LRGUK: variants seen among roughly 807,000 people sequenced by gnomAD.
LRGUK encodes the protein leucine rich repeats and guanylate kinase domain containing, also known as leucine-rich repeat and guanylate kinase domain-containing protein.
In LRGUK, 65 loss-of-function variants were observed where a neutral mutation model predicts 76.0. The observed-to-expected ratio is 0.85, with a 90% confidence interval of 0.70 to 1.05. LRGUK has a LOEUF of 1.05. LRGUK is among the 50% of genes least tolerant of loss of function. The pLI is 0.00. For missense variants in LRGUK, 758 were observed against 732.8 expected (o/e 1.03, Z -0.40); for synonymous variants, 268 against 265.6 (o/e 1.01, Z -0.09).
intron 1 of LRGUK, among the ~76,000 whole-genome samples, chr7:134,128,955 G>GT (rs777879835): frequency 1.3e-5 from 2 of 152,090 alleles, no homozygotes; most frequent in South Asian, 2.1e-4. Context: ...TTTTCTTTAG[G>GT]TTTTTTCTCC....
At chr7:134,233,632 C>T (rs1801951128) in intron 16 of LRGUK, among the ~76,000 whole-genome samples, 1 of 152,164 alleles carries the variant, frequency 6.6e-6, no homozygotes, top group South Asian at 2.1e-4. Flanking sequence ...CCAAGTATCA[C>T]ACAGCTTAGG....
chr7:134,229,375 A>AAATCT (rs568818931), intron 16 of LRGUK, among the ~76,000 whole-genome samples: 156 of 147,552 alleles, frequency 1.1e-3, no homozygotes, highest in Middle Eastern at 0.01. Flanking sequence ...AAAAAAAAAA[A>AAATCT]ATCTATCTAT....
downstream of LRGUK, among the ~76,000 whole-genome samples, chr7:134,269,456 A>C (rs1030991119): frequency 9.3e-5 from 14 of 149,966 alleles, no homozygotes; most frequent in African/African-American, 3.5e-4. Flanking sequence ...AAGCTCAAGC[A>C]ACCCTCCTGC....
chr7:134,192,641 C>G (rs1800305417), intron 12 of LRGUK, among the ~76,000 whole-genome samples: 1 of 152,208 alleles, frequency 6.6e-6, no homozygotes, highest in Non-Finnish European at 1.5e-5. Context: ...AAAGTGTATG[C>G]TAATGTAAAT....
intron 16 of LRGUK, among the ~76,000 whole-genome samples, chr7:134,229,410 C>T (rs1391536647): frequency 6.6e-6 from 1 of 151,468 alleles, no homozygotes; most frequent in Admixed American, 6.6e-5. Context: ...ATCTATCTAT[C>T]TATCTATGTT....
At chr7:134,224,927 T>C (rs931544322) in intron 16 of LRGUK, among the ~76,000 whole-genome samples, 1 of 151,440 alleles carries the variant, frequency 6.6e-6, no homozygotes, top group Non-Finnish European at 1.5e-5. Flanking sequence ...TGGCTCGCGC[T>C]TGTGGTCCCA....
chr7:134,261,767 C>T lies in LRGUK; in HGVS notation c.2348-2078C>T, dbSNP rs139388974. Among the ~76,000 whole-genome samples the T allele has an allele frequency of 2.6e-4, 40 of 152,244 alleles. No individual in the cohort carries two copies. The East Asian group carries it at 7.7e-3, about 29-fold the overall frequency. ...AGTAAATGCTTTTGGCTTTGTGGGC[C>T]ATGTGGGCTCTTGTGCAACTTCTCA... On this transcript the variant is annotated intron_variant, in intron 19 of 19. Transcript: ENST00000285928.
At position 134,210,084 on chromosome 7, in the gene LRGUK, A is replaced by C. The variant is rs73441353; in HGVS notation, c.3221A>C (p.Glu1074Ala). ...CCACTTCAGCAGACAGGGGCTAGGGAAAAAAAGCTCCCCAACCAGAAAGGG... is the reference window on the plus strand; with the variant it reads ...CCACTTCAGCAGACAGGGGCTAGGGCAAAAAAGCTCCCCAACCAGAAAGGG... Residue 1074 changes from glutamate (E) to alanine (A), a missense_variant, in exon 16 of 16, where the codon GAA (glutamate) becomes GCA (alanine). Glu to Ala is a moderately radical substitution (Grantham distance 107). Coordinates refer to ENST00000645682, the Ensembl canonical transcript of LRGUK. The C allele has an allele frequency of 4.9e-3, 1,961 of 399,192 alleles. 41 individuals are homozygous for C. Among genetic ancestry groups the C allele is most frequent in the African/African-American group, 0.037 (1,806 of 48,670 alleles). The allele number at this position is 399,192 out of a possible 1,614,324, so 24.7% of individuals were successfully genotyped here.
chr7:134,181,382 T>C (rs574248293), intron 10 of LRGUK, among the ~76,000 whole-genome samples: 1 of 152,246 alleles, frequency 6.6e-6, no homozygotes, highest in Admixed American at 6.5e-5. Context: ...CTTTCCCTTA[T>C]ATGTAATGTG....
intron 12 of LRGUK, among the ~76,000 whole-genome samples, chr7:134,196,225 A>C (rs1192124949): frequency 6.6e-6 from 1 of 152,196 alleles, no homozygotes; most frequent in East Asian, 1.9e-4. Context: ...GATTTGACCT[A>C]GTGGTTTAAT....
intron 19 of LRGUK, among the ~76,000 whole-genome samples, chr7:134,262,426 AT>A: frequency 6.6e-6 from 1 of 152,098 alleles, no homozygotes; most frequent in Non-Finnish European, 1.5e-5. Context: ...CTTTATTCCT[AT>A]TTTTTTAAAT....
rs1801187264 is a variant in LRGUK, at chr7:134,210,086, A to T, written c.3223A>T (p.Lys1075Ter). The change falls in exon 16 of 16, where the codon AAA becomes TAA. Residue 1075 changes from lysine (K) to a stop codon, truncating the protein, a stop_gained. Transcript: ENST00000645682. LOFTEE classifies it low-confidence loss of function (END_TRUNC). The stretch of plus-strand genomic sequence containing the variant: ...ACTTCAGCAGACAGGGGCTAGGGAA[A>T]AAAAGCTCCCCAACCAGAAAGGGAC... The T allele has an allele frequency of 5.0e-6, 2 of 399,172 alleles. No homozygotes were observed. Among genetic ancestry groups the T allele is most frequent in the Admixed American group, 4.4e-5 (1 of 22,708 alleles). 24.7% of individuals were successfully genotyped at this position (399,172 alleles called of 1,614,324 possible). A position where few individuals can be genotyped will look rare whatever the true frequency, so the allele number is the denominator to read the frequency against.
intron 11 of LRGUK, among the ~76,000 whole-genome samples, chr7:134,187,974 T>C (rs1225289340): frequency 6.6e-6 from 1 of 152,210 alleles, no homozygotes; most frequent in Non-Finnish European, 1.5e-5. Flanking sequence ...TTACATGAGA[T>C]GATATGAGCT....
chr7:134,231,108 G>A (rs1458658850), intron 16 of LRGUK, among the ~76,000 whole-genome samples: 1 of 152,208 alleles, frequency 6.6e-6, no homozygotes, highest in African/African-American at 2.4e-5. Context: ...ATCCAAGGGT[G>A]ATGCTGAAGC....
chr7:134,138,515 A>G (rs1353065354), intron 2 of LRGUK, among the ~76,000 whole-genome samples: 1 of 152,102 alleles, frequency 6.6e-6, no homozygotes, highest in Non-Finnish European at 1.5e-5. Context: ...TAAGGGCACA[A>G]TATAGCTCTC....
chr7:134,250,849 C>T (rs932159064), intron 18 of LRGUK, among the ~76,000 whole-genome samples: 5 of 152,204 alleles, frequency 3.3e-5, no homozygotes, highest in African/African-American at 7.2e-5. Context: ...TAGGTTTACA[C>T]GTCATCTCTT....
chr7:134,177,010 A>T, exon 9 of LRGUK: 1 of 1,603,830 alleles, frequency 6.2e-7, no homozygotes, highest in South Asian at 1.1e-5. Context: ...CGTAATTTTT[A>T]TGCTTCTGCG....
intron 5 of LRGUK, among the ~76,000 whole-genome samples, chr7:134,156,918 C>T (rs1798485840): frequency 6.6e-6 from 1 of 151,996 alleles, no homozygotes; most frequent in South Asian, 2.1e-4. Flanking sequence ...TTGGATGCCT[C>T]ACAGATTATG....
Position 134,248,882 on chromosome 7 carries a change from C to T in LRGUK, c.2073-69C>T, listed in dbSNP as rs571417550. 5.7e-6 allele frequency: 7 copies of T among 1,227,420 alleles called. No homozygotes were observed. In the African/African-American group the frequency reaches 9.4e-5, roughly 16 times the overall value. The allele number at this position is 1,227,420 out of a possible 1,614,324, so 76.0% of individuals were successfully genotyped here. On this transcript the variant is annotated intron_variant, in intron 17 of 19. Transcript: ENST00000285928. The stretch of plus-strand genomic sequence containing the variant: ...CGTTTATCTGGGATATTTAGGTATA[C>T]ATGTGTGTACACTTGGTATCTTTAC...
Sources: allele counts gnomAD v4.1 joint callset (sites outside exome capture counted in the v4.1 genomes callset), GRCh38; gene constraint gnomAD v4.1.1; transcripts MANE v1.5; gene names NCBI Gene and HGNC (gene_info 2026-07-23, HGNC 2026-07-21).